Variants in ZMYM4 observed in about 807,000 individuals in gnomAD.
The protein encoded by ZMYM4 is zinc finger MYM-type containing 4, also known as zinc finger MYM-type protein 4.
A neutral mutation model predicts 183.2 loss-of-function variants in ZMYM4; 31 were observed. The ratio of observed to expected loss-of-function variants is 0.17; its 90% CI spans 0.13 to 0.23. The LOEUF (loss-of-function observed/expected upper bound fraction) is 0.23, where lower values mean the gene tolerates loss of function less well. Among genes scored for constraint, ZMYM4 ranks in the 10% least tolerant of loss-of-function variants. The probability of loss-of-function intolerance (pLI) is 1.00; values close to 1 mark genes in which losing one functional copy is unlikely to be tolerated. For synonymous variants in ZMYM4, 592 were observed against 631.2 expected, an observed-to-expected ratio of 0.94 and a Z score of 0.93; for missense variants, 1,273 against 1,840.3, an observed-to-expected ratio of 0.69 and a Z score of 5.64.
chr1:35,368,060 CG>C (rs1350115584), intron 5 of ZMYM4, among the ~76,000 whole-genome samples: 11 of 117,426 alleles, frequency 9.4e-5, no homozygotes, highest in African/African-American at 3.6e-4. Context: ...CCAAATCCAG[CG>C]CCCCCCCCCC....
chr1:35,324,442 G>A (rs545921115), intron 1 of ZMYM4, among the ~76,000 whole-genome samples: 64 of 149,946 alleles, frequency 4.3e-4, no homozygotes, highest in South Asian at 1.9e-3. Context: ...CTGGAGTGGT[G>A]GTTCTGTTTG....
rs2149005195 is a variant in ZMYM4, at chr1:35,397,343, A to G, written c.3031-34A>G. ...TACTTTTGGCTACAAACCTGTTGCC[A>G]AAGAAAGCCTTCAGTCTATCCTTGG... On this transcript the variant is annotated intron_variant, in intron 19 of 29. Transcript: ENST00000314607. 4 of 1,483,542 alleles carry G rather than the reference A, an allele frequency of 2.7e-6. No individual in the cohort carries two copies. The South Asian group carries it at 6.2e-5, about 23-fold the overall frequency. 91.9% of individuals were successfully genotyped at this position (1,483,542 alleles called of 1,614,324 possible). A position where few individuals can be genotyped will look rare whatever the true frequency, so the allele number is the denominator to read the frequency against.
At chr1:35,295,510 G>A (rs1439267392) in intron 1 of ZMYM4, among the ~76,000 whole-genome samples, 1 of 152,160 alleles carries the variant, frequency 6.6e-6, no homozygotes, top group African/African-American at 2.4e-5. Context: ...TGTGGGGGCT[G>A]TTCTGTACAT....
At chr1:35,336,566 G>A (rs1051097659) in intron 2 of ZMYM4, among the ~76,000 whole-genome samples, 1 of 151,260 alleles carries the variant, frequency 6.6e-6, no homozygotes, top group Non-Finnish European at 1.5e-5. Context: ...TTGTATTTTG[G>A]GTATAATTTT....
chr1:35,386,262 C>A, intron 11 of ZMYM4, 73 bp downstream of exon 11: 1 of 1,053,494 alleles, frequency 9.5e-7, no homozygotes, highest in Non-Finnish European at 1.4e-6. Context: ...TTGCACTCCT[C>A]TAAAGAAATA....
chr1:35,353,465 T>TC (rs1391381881), intron 2 of ZMYM4, among the ~76,000 whole-genome samples: 1 of 152,220 alleles, frequency 6.6e-6, no homozygotes, highest in Non-Finnish European at 1.5e-5. Context: ...TCCTAATAGA[T>TC]CCATTCTGTT....
At chr1:35,325,481 A>T in intron 2 of ZMYM4, 76 bp downstream of exon 2, 2 of 1,455,010 alleles carry the variant, frequency 1.4e-6, no homozygotes, top group East Asian at 4.7e-5. Flanking sequence ...GTATTTAACT[A>T]TTACAGTGTT....
Position 35,420,093 on chromosome 1 carries a change from G to A in ZMYM4, c.*416G>A. On this transcript the variant is annotated 3_prime_UTR_variant, in exon 30 of 30. Coordinates refer to ENST00000314607, the MANE Select transcript of ZMYM4 (RefSeq NM_005095.3). ...TGGCAAGCCCTCCGTAAAAGTCAGA[G>A]GAGAGATCAGTACAGAGCTAAGAGT... 3.7e-6 allele frequency: 1 copy of A among 272,050 alleles called. No individual in the cohort carries two copies. The highest frequency in any genetic ancestry group is 7.2e-6 in the Non-Finnish European group (1 of 139,054). The allele number at this position is 272,050 out of a possible 1,614,324, so 16.9% of individuals were successfully genotyped here. A position where few individuals can be genotyped will look rare whatever the true frequency, so the allele number is the denominator to read the frequency against.
At chr1:35,402,605 C>T (rs906488296) in intron 23 of ZMYM4, among the ~76,000 whole-genome samples, 3 of 151,620 alleles carry the variant, frequency 2.0e-5, no homozygotes, top group African/African-American at 7.3e-5. Flanking sequence ...GGCGACAGAG[C>T]GAGACCCTGT....
At chr1:35,326,578 TC>T (rs1232651438) in intron 2 of ZMYM4, among the ~76,000 whole-genome samples, 1 of 152,166 alleles carries the variant, frequency 6.6e-6, no homozygotes, top group East Asian at 1.9e-4. Context: ...CATTTTCCAA[TC>T]CCCTTATTCC....
At chr1:35,303,005 G>A (rs1266262419) in intron 1 of ZMYM4, among the ~76,000 whole-genome samples, 1 of 150,886 alleles carries the variant, frequency 6.6e-6, no homozygotes, top group African/African-American at 2.4e-5. Context: ...CCAGGGCATA[G>A]TGACCACGCC....
chr1:35,379,644 C>T (rs1026018862), intron 7 of ZMYM4, among the ~76,000 whole-genome samples: 1 of 152,248 alleles, frequency 6.6e-6, no homozygotes, highest in African/African-American at 2.4e-5. Context: ...GCGCAAGAGG[C>T]CTAGCTTTCC....
intron 5 of ZMYM4, among the ~76,000 whole-genome samples, chr1:35,369,811 G>A (rs1201842891): frequency 1.3e-5 from 2 of 151,740 alleles, no homozygotes; most frequent in Non-Finnish European, 2.9e-5. Flanking sequence ...AGACTAAGTA[G>A]ATACTTTCAT....
At chr1:35,345,259 A>G (rs1332421019) in intron 2 of ZMYM4, among the ~76,000 whole-genome samples, 1 of 152,232 alleles carries the variant, frequency 6.6e-6, no homozygotes, top group Non-Finnish European at 1.5e-5. Context: ...CATATCACAA[A>G]GCTAAACTGT....
rs56011152 is a variant in ZMYM4, at chr1:35,352,269, GCACACACACACACACA to G, written c.86-6631_86-6616del. 5.3e-3 allele frequency among the ~76,000 whole-genome samples: 662 copies of G among 124,578 alleles called. 13 individuals carry two copies. The highest frequency in any genetic ancestry group is 0.019 in the African/African-American group (572 of 30,106). The allele number at this position is 124,578 out of a possible 152,430, so 81.7% of individuals were successfully genotyped here. A position where few individuals can be genotyped will look rare whatever the true frequency, so the allele number is the denominator to read the frequency against. ...TAAAAATTAGCGCGCACGCGCGCGC[GCACACACACACACACA>G]CACACACACACACACACACACACAG... is the stretch of plus-strand genomic sequence containing the variant. On this transcript the variant is annotated intron_variant, in intron 2 of 29. Coordinates refer to ENST00000314607, the MANE Select transcript of ZMYM4 (RefSeq NM_005095.3).
At chr1:35,413,756 A>G (rs970161144) in intron 26 of ZMYM4, among the ~76,000 whole-genome samples, 1 of 152,206 alleles carries the variant, frequency 6.6e-6, no homozygotes, top group South Asian at 2.1e-4. Context: ...TTTACCTTGC[A>G]AGGTCAGTGC....
At chr1:35,349,261 T>G (rs928009850) in intron 2 of ZMYM4, among the ~76,000 whole-genome samples, 1 of 152,328 alleles carries the variant, frequency 6.6e-6, no homozygotes, top group East Asian at 1.9e-4. Context: ...GTGCTGGGAT[T>G]ACAGGCGTGA....
intron 5 of ZMYM4, among the ~76,000 whole-genome samples, chr1:35,369,739 TATA>T (rs1405387822): frequency 4.0e-5 from 6 of 151,850 alleles, no homozygotes; most frequent in African/African-American, 9.7e-5. Context: ...AACAGTAACT[TATA>T]ATACTTTAAT....
chr1:35,351,309 C>G, intron 2 of ZMYM4: 1 of 1,580,152 alleles, frequency 6.3e-7, no homozygotes, highest in Non-Finnish European at 8.7e-7. Flanking sequence ...ACACCGGAAG[C>G]ACATCATGGG....
Sources: allele counts gnomAD v4.1 joint callset (sites outside exome capture counted in the v4.1 genomes callset), GRCh38; gene constraint gnomAD v4.1.1; transcripts MANE v1.5; gene names NCBI Gene and HGNC (gene_info 2026-07-23, HGNC 2026-07-21).